The following CDH13 variants were observed in gnomAD, a reference collection of about 807,000 sequenced individuals.
CDH13 encodes cadherin-13.
In CDH13, 24 loss-of-function variants were observed where a neutral mutation model predicts 63.8. The ratio of observed to expected loss-of-function variants is 0.38; its 90% CI spans 0.27 to 0.53. CDH13 has a LOEUF of 0.53. Among genes scored for constraint, CDH13 ranks in the 20% least tolerant of loss-of-function variants. The probability of loss-of-function intolerance (pLI) is 0.85; values close to 1 mark genes in which losing one functional copy is unlikely to be tolerated. For synonymous variants in CDH13, 503 were observed against 355.3 expected (o/e 1.42, Z -4.67); for missense variants, 1,049 against 903.1 (o/e 1.16, Z -2.07).
At chr16:83,491,588 T>C (rs1325695453) in intron 7 of CDH13, among the ~76,000 whole-genome samples, 1 of 152,076 alleles carries the variant, frequency 6.6e-6, no homozygotes, top group Non-Finnish European at 1.5e-5. Flanking sequence ...TTTTTCTTTT[T>C]TAATGGAAAT....
intron 7 of CDH13, among the ~76,000 whole-genome samples, chr16:83,596,842 T>C (rs1454724350): frequency 6.6e-6 from 1 of 152,232 alleles, no homozygotes; most frequent in Non-Finnish European, 1.5e-5. Flanking sequence ...GTTACTGTTC[T>C]CCTTGTGAAA....
chr16:82,944,100 A>G (rs993584057), intron 2 of CDH13, among the ~76,000 whole-genome samples: 3 of 152,200 alleles, frequency 2.0e-5, no homozygotes, highest in African/African-American at 7.2e-5. Context: ...TTACTCAGCC[A>G]TTATGTAATT....
intron 7 of CDH13, among the ~76,000 whole-genome samples, chr16:83,580,593 C>G (rs1170507274): frequency 6.6e-6 from 1 of 151,810 alleles, no homozygotes; most frequent in African/African-American, 2.4e-5. Context: ...CTCCTGAGCT[C>G]AAGCAATCCT....
intron 7 of CDH13, among the ~76,000 whole-genome samples, chr16:83,565,805 ACTTTT>A (rs1904276287): frequency 6.6e-6 from 1 of 151,432 alleles, no homozygotes; most frequent in African/African-American, 2.4e-5. Flanking sequence ...CTGGCTTCTG[ACTTTT>A]CTTTTGTGAT....
At chr16:83,764,185 T>C (rs972203153) in intron 11 of CDH13, among the ~76,000 whole-genome samples, 1 of 152,192 alleles carries the variant, frequency 6.6e-6, no homozygotes, top group African/African-American at 2.4e-5. Context: ...AGGCAAACTA[T>C]GAAAAGGCAC....
At chr16:83,241,846 T>C in intron 5 of CDH13, among the ~76,000 whole-genome samples, 1 of 152,222 alleles carries the variant, frequency 6.6e-6, no homozygotes, top group Admixed American at 6.5e-5. Context: ...TTGATGTAGT[T>C]TCATTTGCCT....
At chr16:82,683,655 G>A (rs1468421652) in intron 1 of CDH13, among the ~76,000 whole-genome samples, 5 of 152,336 alleles carry the variant, frequency 3.3e-5, no homozygotes, top group South Asian at 2.1e-4. Flanking sequence ...CATTATTCAA[G>A]CAAGTTGATA....
intron 10 of CDH13, among the ~76,000 whole-genome samples, chr16:83,699,564 G>A (rs1032032356): frequency 1.3e-5 from 2 of 152,120 alleles, no homozygotes; most frequent in Admixed American, 1.3e-4. Flanking sequence ...TCAATCTCCT[G>A]CCTGTGCCAG....
chr16:83,390,261 C>G (rs2091760562), intron 6 of CDH13, among the ~76,000 whole-genome samples: 1 of 152,074 alleles, frequency 6.6e-6, no homozygotes, highest in Non-Finnish European at 1.5e-5. Context: ...TACCAGTGCT[C>G]AGAGCAGTAT....
intron 10 of CDH13, among the ~76,000 whole-genome samples, chr16:83,681,220 G>C (rs992526186): frequency 1.3e-5 from 2 of 152,072 alleles, no homozygotes; most frequent in African/African-American, 2.4e-5. Context: ...CCAGAGGATG[G>C]GAACAAATGC....
chr16:83,188,515 G>C lies in CDH13; in HGVS notation c.484-28830G>C, dbSNP rs570904205. Among the ~76,000 whole-genome samples, 35 of 152,228 alleles carry C rather than the reference G, an allele frequency of 2.3e-4. 1 individual carries two copies. In the South Asian group the frequency reaches 5.0e-3, roughly 22 times the overall value. ...CCAGCCTCGCTGCCCATCTCCCAGA[G>C]GGGGGAAACTGAAGCTCAGAGACAT... On this transcript the variant is annotated intron_variant, in intron 4 of 13. Transcript: ENST00000567109.
intron 2 of CDH13, among the ~76,000 whole-genome samples, chr16:82,961,572 T>TAAAAAAA (rs71376305): frequency 1.9e-5 from 2 of 103,382 alleles, no homozygotes; most frequent in African/African-American, 8.0e-5. Context: ...GCAGGGGACT[T>TAAAAAAA]AAAAAAAAAA....
rs138064319 is a variant in CDH13 at position 83,069,008 on chromosome 16, A to T, written c.366+36790A>T. Among the ~76,000 whole-genome samples, 10 of 152,328 alleles carry T rather than the reference A, an allele frequency of 6.6e-5. No homozygotes were observed. In the East Asian group the frequency reaches 1.9e-3, roughly 29 times the overall value. The stretch of plus-strand genomic sequence containing the variant: ...TACCCATTTCCCATGCCCCCAGTTC[A>T]GTTGTCTGGATATCCCAGAACAAGA... On this transcript the variant is annotated intron_variant, in intron 3 of 13. Coordinates refer to ENST00000567109, the MANE Select transcript of CDH13 (RefSeq NM_001257.5).
chr16:83,780,712 C>G (rs775543975), intron 12 of CDH13, among the ~76,000 whole-genome samples: 1 of 152,048 alleles, frequency 6.6e-6, no homozygotes, highest in Non-Finnish European at 1.5e-5. Context: ...TTCCTTTTTT[C>G]TTTTAATTAA....
chr16:83,013,393 G>T (rs533667235), intron 2 of CDH13, among the ~76,000 whole-genome samples: 2 of 152,182 alleles, frequency 1.3e-5, no homozygotes, highest in Admixed American at 6.5e-5. Context: ...CAGCATCTCA[G>T]TTAGGCCCAC....
At chr16:83,600,619 G>A (rs192181322) in intron 7 of CDH13, among the ~76,000 whole-genome samples, 1 of 152,116 alleles carries the variant, frequency 6.6e-6, no homozygotes, top group African/African-American at 2.4e-5. Context: ...TTAATTATTG[G>A]TTGGTATAAC....
At chr16:82,661,383 A>G (rs1162770742) in intron 1 of CDH13, among the ~76,000 whole-genome samples, 1 of 152,238 alleles carries the variant, frequency 6.6e-6, no homozygotes, top group African/African-American at 2.4e-5. Flanking sequence ...ATTAAGAAAT[A>G]GACTTAAATA....
At chr16:82,894,133 G>T (rs747847099) in intron 2 of CDH13, among the ~76,000 whole-genome samples, 3 of 152,172 alleles carry the variant, frequency 2.0e-5, no homozygotes, top group African/African-American at 7.2e-5. Context: ...ATTCAATGAT[G>T]AGTACATAGG....
chr16:83,080,369 C>T (rs1597291987), intron 3 of CDH13, among the ~76,000 whole-genome samples: 1 of 152,174 alleles, frequency 6.6e-6, no homozygotes, highest in African/African-American at 2.4e-5. Flanking sequence ...CCCTCATGCT[C>T]ACTCTTATGC....
Sources: gnomAD v4.1 joint callset for allele counts (sites outside exome capture counted in the v4.1 genomes callset) on GRCh38, gnomAD v4.1.1 for gene constraint, MANE v1.5 for transcripts, NCBI Gene and HGNC (gene_info 2026-07-23, HGNC 2026-07-21) for gene names.